CDC42BPA: variants seen among roughly 807,000 people sequenced by gnomAD.
The protein encoded by CDC42BPA is serine/threonine-protein kinase MRCK alpha.
In CDC42BPA, 80 loss-of-function variants were observed where a neutral mutation model predicts 223.5. That is an observed-to-expected ratio of 0.36 (90% CI 0.30 to 0.43). CDC42BPA has a LOEUF of 0.43. CDC42BPA is among the 20% of genes least tolerant of loss of function. The probability of loss-of-function intolerance (pLI) is 1.00; values close to 1 mark genes in which losing one functional copy is unlikely to be tolerated. For synonymous variants in CDC42BPA, 694 were observed against 718.6 expected (o/e 0.97, Z 0.55); for missense variants, 1,743 against 2,099.9 (o/e 0.83, Z 3.32).
intron 16 of CDC42BPA, among the ~76,000 whole-genome samples, chr1:227,081,446 TTC>T (rs900256841): frequency 1.4e-5 from 2 of 144,168 alleles, no homozygotes; most frequent in Admixed American, 7.0e-5. Flanking sequence ...TGTACGCCTG[TTC>T]TCTCTCTCTT....
At chr1:227,108,409 G>T (rs1323170279) in intron 14 of CDC42BPA, among the ~76,000 whole-genome samples, 1 of 149,534 alleles carries the variant, frequency 6.7e-6, no homozygotes, top group Non-Finnish European at 1.5e-5. Context: ...AGCATTCCAG[G>T]TTTTTTTTTT....
intron 2 of CDC42BPA, among the ~76,000 whole-genome samples, chr1:227,252,040 A>G (rs1286441932): frequency 2.0e-5 from 3 of 152,126 alleles, no homozygotes; most frequent in Admixed American, 6.5e-5. Flanking sequence ...CTATAGCTAA[A>G]AATGCTTAGA....
intron 2 of CDC42BPA, among the ~76,000 whole-genome samples, chr1:227,228,199 T>C (rs750419606): frequency 5.9e-5 from 9 of 152,156 alleles, no homozygotes; most frequent in Non-Finnish European, 7.4e-5. Flanking sequence ...AGGTGATGGG[T>C]TGACAGGAGC....
chr1:227,174,295 G>C (rs867524621), intron 5 of CDC42BPA, among the ~76,000 whole-genome samples: 2 of 152,248 alleles, frequency 1.3e-5, no homozygotes, highest in East Asian at 3.9e-4. Flanking sequence ...ACTCAGGCCT[G>C]TAAGAGACTG....
In CDC42BPA at chr1:227,175,982, C is replaced by G. The variant is rs1190442855; in HGVS notation, c.600-15346G>C. Among the ~76,000 whole-genome samples the G allele has an allele frequency of 2.0e-5, 3 of 152,130 alleles. No individual in the cohort carries two copies. In the South Asian group the frequency reaches 6.2e-4, roughly 32 times the overall value. On this transcript the variant is annotated intron_variant, in intron 5 of 36. Transcript: ENST00000366766. ...TACTGGGTGTGTGTATGAAATACTG[C>G]AGAAGTTCATACTGACATAAAGTGC... is the stretch of plus-strand genomic sequence containing the variant.
At chr1:227,182,926 C>T (rs1308937759) in intron 5 of CDC42BPA, 1 of 152,220 alleles carries the variant, frequency 6.6e-6, no homozygotes, top group Non-Finnish European at 1.5e-5. Flanking sequence ...GTTCACCAGC[C>T]TTTGGACTTG....
chr1:227,155,097 G>T (rs10495256), intron 6 of CDC42BPA, among the ~76,000 whole-genome samples: 25,703 of 152,118 alleles, frequency 0.17, 2,320 homozygotes, highest in Non-Finnish European at 0.19. Context: ...AAAGCTCGTA[G>T]ATTTGAGGCA....
chr1:227,247,689 A>T (rs1413837458), intron 2 of CDC42BPA, among the ~76,000 whole-genome samples: 10 of 152,138 alleles, frequency 6.6e-5, no homozygotes, highest in Admixed American at 6.5e-4. Flanking sequence ...GTTCGAGACC[A>T]GCCTGGCCAA....
intron 9 of CDC42BPA, among the ~76,000 whole-genome samples, chr1:227,140,495 A>G (rs1045099937): frequency 1.8e-4 from 28 of 152,140 alleles, no homozygotes; most frequent in African/African-American, 6.0e-4. Context: ...CAAGCAGATG[A>G]AACAGAAGTA....
At chr1:227,311,260 C>G (rs1471138031) in intron 1 of CDC42BPA, among the ~76,000 whole-genome samples, 1 of 138,010 alleles carries the variant, frequency 7.2e-6, no homozygotes, top group African/African-American at 2.7e-5. Context: ...ACTTGGTAAG[C>G]TGAGACAGGA....
chr1:227,008,036 G>A (rs1425348106), intron 34 of CDC42BPA, among the ~76,000 whole-genome samples: 1 of 152,176 alleles, frequency 6.6e-6, no homozygotes, highest in Non-Finnish European at 1.5e-5. Context: ...GCAGGCATAT[G>A]GTTCCCTAGC....
At chr1:227,006,949 TCAACAACAACAACAACAA>T (rs58305329) in intron 34 of CDC42BPA, among the ~76,000 whole-genome samples, 4 of 148,138 alleles carry the variant, frequency 2.7e-5, no homozygotes, top group East Asian at 2.0e-4. Context: ...AGACTCCGTC[TCAACAACAACAACAACAA>T]CAACAACAAC....
At chr1:227,268,652 G>GTATATATATATATATACA (rs774492052) in intron 1 of CDC42BPA, among the ~76,000 whole-genome samples, 2 of 138,682 alleles carry the variant, frequency 1.4e-5, no homozygotes, top group East Asian at 2.0e-4. Flanking sequence ...TAGTGTGTGT[G>GTATATATATATATATACA]TATATATATA....
At chr1:227,173,034 A>G (rs185504920) in intron 5 of CDC42BPA, among the ~76,000 whole-genome samples, 9 of 152,340 alleles carry the variant, frequency 5.9e-5, no homozygotes, top group Admixed American at 3.9e-4. Flanking sequence ...CTACCTATCA[A>G]GTAACTTCTA....
intron 24 of CDC42BPA, among the ~76,000 whole-genome samples, chr1:227,036,421 C>CTTTTTTTTTT (rs56254464): frequency 1.4e-5 from 1 of 71,130 alleles, no homozygotes; most frequent in Non-Finnish European, 2.6e-5. Context: ...CTTCAATTCA[C>CTTTTTTTTTT]TTTTTTTTTT....
At chr1:227,121,802 CT>C (rs11327691) in intron 11 of CDC42BPA, among the ~76,000 whole-genome samples, 34,745 of 133,572 alleles carry the variant, frequency 0.26, 3,039 homozygotes, top group African/African-American at 0.31. Context: ...TCTTTTTTTT[CT>C]TTTTTTTTTT....
At chr1:227,073,696 T>C (rs1325308632) in intron 19 of CDC42BPA, among the ~76,000 whole-genome samples, 168 bp downstream of exon 19, 5 of 152,142 alleles carry the variant, frequency 3.3e-5, no homozygotes, top group African/African-American at 4.8e-5. Context: ...TAAAACCTCA[T>C]CACTATCTAC....
intron 1 of CDC42BPA, among the ~76,000 whole-genome samples, chr1:227,273,904 T>C (rs1686432335): frequency 7.0e-6 from 1 of 143,378 alleles, no homozygotes; most frequent in Non-Finnish European, 1.5e-5. Flanking sequence ...TGGAACAGCT[T>C]AGCCAATGAG....
rs1437090782 is a variant in CDC42BPA, at chr1:226,994,927, A to G, written c.5029T>C (p.Tyr1677His). Residue 1677 changes from tyrosine to histidine, a missense_variant, in exon 36 of 37, where the codon TAC becomes CAC. Physicochemically the swap from Tyr to His is moderately conservative, Grantham distance 83. Coordinates refer to ENST00000366766, the MANE Select transcript of CDC42BPA (RefSeq NM_001394014.1). The surrounding 1 kb of genome is among the most constrained non-coding windows in gnomAD (Gnocchi z 4.0). ...GGCATGGGCTGCCGCTTGGCACTGTAGCTTCCTCCAGAGAATTCCCTCTTT... is the reference window on the plus strand; with the variant it reads ...GGCATGGGCTGCCGCTTGGCACTGTGGCTTCCTCCAGAGAATTCCCTCTTT... ...ALKREFSGGS[Y>H]SAKRQPMPSP... is the part of the protein sequence containing the mutation. The G allele has an allele frequency of 6.2e-7, 1 of 1,614,116 alleles. No individual in the cohort carries two copies. The highest frequency in any genetic ancestry group is 1.3e-5 in the African/African-American group (1 of 75,038).
Sources: allele counts gnomAD v4.1 joint callset (sites outside exome capture counted in the v4.1 genomes callset), GRCh38; gene constraint gnomAD v4.1.1; non-coding constraint Gnocchi (gnomAD v3.1); transcripts MANE v1.5; gene names NCBI Gene and HGNC (gene_info 2026-07-23, HGNC 2026-07-21).